ZBTB49: variants seen among roughly 807,000 people sequenced by gnomAD.
The protein encoded by ZBTB49 is zinc finger and BTB domain containing 49, also known as zinc finger and BTB domain-containing protein 49.
In ZBTB49, 43 loss-of-function variants were observed where a neutral mutation model predicts 57.5. That is an observed-to-expected ratio of 0.75 (90% CI 0.59 to 0.97). The LOEUF (loss-of-function observed/expected upper bound fraction) is 0.97. ZBTB49 is among the 50% of genes least tolerant of loss of function. ZBTB49 has a pLI of 0.00. For missense variants in ZBTB49, 938 were observed against 947.7 expected, an observed-to-expected ratio of 0.99 and a Z score of 0.13; for synonymous variants, 369 against 362.1, an observed-to-expected ratio of 1.02 and a Z score of -0.22.
intron 7 of ZBTB49, among the ~76,000 whole-genome samples, chr4:4,319,541 C>A (rs1721322372): frequency 6.6e-6 from 1 of 152,222 alleles, no homozygotes. Flanking sequence ...GAATACAGGG[C>A]CAGGCGCCAT....
At chr4:4,295,838 A>G (rs942037970) in intron 1 of ZBTB49, among the ~76,000 whole-genome samples, 2 of 152,236 alleles carry the variant, frequency 1.3e-5, no homozygotes, top group Non-Finnish European at 2.9e-5. Context: ...GAGGGGAATC[A>G]GAATAAGGTC....
intron 7 of ZBTB49, among the ~76,000 whole-genome samples, chr4:4,316,503 T>A (rs1237596845): frequency 1.3e-5 from 2 of 152,186 alleles, no homozygotes; most frequent in Non-Finnish European, 2.9e-5. Flanking sequence ...TCATGACCTG[T>A]GATCACAGCG....
At chr4:4,310,795 G>A (rs900419871) in intron 4 of ZBTB49, among the ~76,000 whole-genome samples, 3 of 151,664 alleles carry the variant, frequency 2.0e-5, no homozygotes, top group Admixed American at 1.3e-4. Context: ...CTGGGATTAC[G>A]GGCATGAGCC....
chr4:4,316,299 G>T (rs991820474), intron 7 of ZBTB49, among the ~76,000 whole-genome samples: 3 of 152,204 alleles, frequency 2.0e-5, no homozygotes, highest in African/African-American at 7.2e-5. Flanking sequence ...ACATGAAGGA[G>T]AGCAGCGGTC....
At chr4:4,318,467 T>C (rs1721276482) in intron 7 of ZBTB49, among the ~76,000 whole-genome samples, 1 of 151,936 alleles carries the variant, frequency 6.6e-6, no homozygotes. Flanking sequence ...AATACCAAAA[T>C]TAGCTGGGCA....
chr4:4,302,391 C>T lies in ZBTB49; in HGVS notation c.555C>T (p.His185=). 1.2e-6 allele frequency: 2 copies of T among 1,614,246 alleles called. No homozygotes were observed. Among genetic ancestry groups the T allele is most frequent in the Non-Finnish European group, 1.7e-6 (2 of 1,180,052 alleles). The change falls in exon 3 of 8, where the codon CAC becomes CAT. Residue 185 remains histidine, a synonymous_variant. Coordinates refer to ENST00000337872, the MANE Select transcript of ZBTB49 (RefSeq NM_145291.4). ...CTTCACCATCAGTTAATCGTCATCA[C>T]TCCGCAGGTGAAATCTCAAAACAAG... The part of the protein sequence containing the change: ...PHASPSVNRH[H]SAGEISKQAP...
intron 1 of ZBTB49, among the ~76,000 whole-genome samples, chr4:4,294,375 G>C (rs1465726109): frequency 1.3e-5 from 2 of 152,078 alleles, no homozygotes; most frequent in South Asian, 4.1e-4. Context: ...TTATTATTTT[G>C]AGATGGAGTC....
At chr4:4,300,476 G>C (rs923552444) in intron 2 of ZBTB49, among the ~76,000 whole-genome samples, 1 of 151,930 alleles carries the variant, frequency 6.6e-6, no homozygotes, top group Admixed American at 6.5e-5. Flanking sequence ...AAGAAATCAG[G>C]GGAAAAACAT....
intron 4 of ZBTB49, among the ~76,000 whole-genome samples, chr4:4,306,638 A>G (rs912967021): frequency 3.3e-5 from 5 of 152,218 alleles, no homozygotes; most frequent in Non-Finnish European, 5.9e-5. Flanking sequence ...GCTGACCTCC[A>G]TTAAGGTCAT....
At chr4:4,312,744 T>C (rs577241163) in intron 4 of ZBTB49, among the ~76,000 whole-genome samples, 1 of 152,312 alleles carries the variant, frequency 6.6e-6, no homozygotes. Flanking sequence ...CAAAGCAGCC[T>C]CCACAGGGTG....
At chr4:4,314,362 GTTTATTT>G (rs1196946446) in intron 5 of ZBTB49, among the ~76,000 whole-genome samples, 2 of 152,144 alleles carry the variant, frequency 1.3e-5, no homozygotes, top group Non-Finnish European at 2.9e-5. Context: ...TGAGGCATGT[GTTTATTT>G]TTTATTTATT....
rs1720734281 is a variant in ZBTB49, at chr4:4,306,327, A to C, written c.1302+143A>C. 4.2e-6 allele frequency: 3 copies of C among 706,354 alleles called. No homozygotes were observed. In the South Asian group the frequency reaches 5.2e-5, roughly 12 times the overall value. 43.8% of individuals were successfully genotyped at this position (706,354 alleles called of 1,614,324 possible). On this transcript the variant is annotated intron_variant, in intron 4 of 7. Coordinates refer to ENST00000337872, the MANE Select transcript of ZBTB49 (RefSeq NM_145291.4). ...AAAGACTTCAGAATAAATTAGGATA[A>C]ATCGTTTTCAAGAAAACAGATTTCT...
chr4:4,306,779 C>A (rs1453087008), intron 4 of ZBTB49, among the ~76,000 whole-genome samples: 1 of 152,208 alleles, frequency 6.6e-6, no homozygotes, highest in Non-Finnish European at 1.5e-5. Context: ...TTGTGGGAAC[C>A]TATTCTTTCT....
Position 4,306,130 on chromosome 4 carries a change from T to C in ZBTB49, c.1256-8T>C. 6.2e-7 allele frequency: 1 copy of C among 1,611,994 alleles called. No individual in the cohort carries two copies. The highest frequency in any genetic ancestry group is 8.5e-7 in the Non-Finnish European group (1 of 1,179,302). ...GATTTTACAAGTTGTTGTTTTGTTT[T>C]GTTTTAGGTGAGAAACCTTTTGAAT... On this transcript the variant is annotated splice_region_variant and splice_polypyrimidine_tract_variant and intron_variant, in intron 3 of 7. Coordinates refer to ENST00000337872, the MANE Select transcript of ZBTB49 (RefSeq NM_145291.4).
chr4:4,316,933 G>A (rs190510903), intron 7 of ZBTB49, among the ~76,000 whole-genome samples: 286 of 152,336 alleles, frequency 1.9e-3, no homozygotes, highest in African/African-American at 6.5e-3. Context: ...AGCTACTTGG[G>A]AGGTTGAAGC....
At position 4,306,171 on chromosome 4, in the gene ZBTB49, A is replaced by C; in HGVS notation, c.1289A>C (p.Lys430Thr). 2 of 1,613,064 alleles carry C rather than the reference A, an allele frequency of 1.2e-6. No individual in the cohort carries two copies. The highest frequency in any genetic ancestry group is 1.7e-6 in the Non-Finnish European group (2 of 1,179,584). ...EKPFECNICGKHFSQAGNLQT... is the reference protein window; with the variant it reads ...EKPFECNICGTHFSQAGNLQT... Reference sequence around the variant, plus strand: ...CCTTTTGAATGTAACATTTGTGGGAAACATTTCTCTCAGGTGGGAATACTC... The same window carrying C: ...CCTTTTGAATGTAACATTTGTGGGACACATTTCTCTCAGGTGGGAATACTC... The change falls in exon 4 of 8, where the codon AAA (lysine) becomes ACA (threonine). Residue 430 changes from lysine (K) to threonine (T), a missense_variant. Lys to Thr is a moderately conservative substitution (Grantham distance 78). This residue lies in a region of ZBTB49 where 835 missense variants were observed against 819.1 expected (regional missense o/e 1.02). Coordinates refer to ENST00000337872, the MANE Select transcript of ZBTB49 (RefSeq NM_145291.4).
intron 1 of ZBTB49, among the ~76,000 whole-genome samples, chr4:4,295,214 T>A (rs1306724945): frequency 6.6e-6 from 1 of 152,186 alleles, no homozygotes; most frequent in African/African-American, 2.4e-5. Context: ...TCTTCATTGC[T>A]GAGGAGGCCT....
chr4:4,310,623 C>A (rs1030540896), intron 4 of ZBTB49, among the ~76,000 whole-genome samples: 1 of 151,274 alleles, frequency 6.6e-6, no homozygotes, highest in African/African-American at 2.4e-5. Context: ...CATTCTCCTG[C>A]CTCAGCCTCC....
intron 4 of ZBTB49, among the ~76,000 whole-genome samples, chr4:4,307,259 G>T (rs979842896): frequency 1.3e-5 from 2 of 152,172 alleles, no homozygotes; most frequent in Admixed American, 1.3e-4. Context: ...AGAACACCCA[G>T]CAGCCAGCAG....
Sources: allele counts gnomAD v4.1 joint callset (sites outside exome capture counted in the v4.1 genomes callset), GRCh38; gene constraint gnomAD v4.1.1; regional missense constraint gnomAD v4.1.1; transcripts MANE v1.5; gene names NCBI Gene and HGNC (gene_info 2026-07-23, HGNC 2026-07-21).